The following MGST1 variants were observed in gnomAD, a reference collection of about 807,000 sequenced individuals.
MGST1 encodes the protein microsomal glutathione S-transferase 1.
A neutral mutation model predicts 8.9 loss-of-function variants in MGST1; 5 were observed. The observed-to-expected ratio is 0.56, with a 90% CI of 0.29 to 1.19. The LOEUF (loss-of-function observed/expected upper bound fraction) is 1.19. Among genes scored for constraint, MGST1 ranks in the 50% most tolerant of loss-of-function variants. The pLI is 0.08. For synonymous variants in MGST1, 54 were observed against 67.8 expected, an observed-to-expected ratio of 0.80 and a Z score of 1.00; for missense variants, 182 against 187.4, an observed-to-expected ratio of 0.97 and a Z score of 0.17.
At chr12:16,578,967 T>G (rs1406636941) in intron 4 of MGST1, among the ~76,000 whole-genome samples, 1 of 152,226 alleles carries the variant, frequency 6.6e-6, no homozygotes, top group African/African-American at 2.4e-5. Flanking sequence ...TTTATTCTAA[T>G]GAAGTATATT....
chr12:16,546,901 A>AT lies in MGST1; in HGVS notation n.483-42626dup, dbSNP rs751682754. Among the ~76,000 whole-genome samples, 11 of 152,246 alleles carry AT rather than the reference A, an allele frequency of 7.2e-5. No individual in the cohort carries two copies. The highest frequency in any genetic ancestry group is 1.3e-4 in the Non-Finnish European group (9 of 67,996). On this transcript the variant is annotated intron_variant and non_coding_transcript_variant, in intron 4 of 4. Transcript: ENST00000538857. This position sits in a 1 kb window ranked among gnomAD's most constrained non-coding sequence, Gnocchi z 4.7. Reference sequence around the variant, plus strand: ...CCAAAATGCAAAACTGGCAATGATCATGCATATTTTAGTCTTCAGGAAAAG... The same window carrying AT: ...CCAAAATGCAAAACTGGCAATGATCATTGCATATTTTAGTCTTCAGGAAAAG...
intron 1 of MGST1, among the ~76,000 whole-genome samples, chr12:16,386,868 G>A (rs1333113551): frequency 6.6e-6 from 1 of 152,174 alleles, no homozygotes; most frequent in Non-Finnish European, 1.5e-5. Context: ...CCTGGGATGT[G>A]AATTATCTTT....
intron 4 of MGST1, among the ~76,000 whole-genome samples, chr12:16,534,536 C>T (rs1354524596): frequency 6.6e-6 from 1 of 152,086 alleles, no homozygotes; most frequent in African/African-American, 2.4e-5. Flanking sequence ...GCTAAATGTT[C>T]CCTTATGTAT....
chr12:16,348,392 T>A (rs1939295722), intron 1 of MGST1, among the ~76,000 whole-genome samples: 1 of 152,134 alleles, frequency 6.6e-6, no homozygotes, highest in Non-Finnish European at 1.5e-5. Flanking sequence ...GGAAGCCATG[T>A]GGAAGGAGAA....
intron 4 of MGST1, among the ~76,000 whole-genome samples, chr12:16,539,506 C>T (rs1267881508): frequency 6.6e-6 from 1 of 152,176 alleles, no homozygotes; most frequent in Non-Finnish European, 1.5e-5. Flanking sequence ...AAATGACCAC[C>T]TCCTCCTGTA....
chr12:16,368,450 G>T (rs1445939582), downstream of MGST1, among the ~76,000 whole-genome samples: 2 of 152,166 alleles, frequency 1.3e-5, no homozygotes, highest in African/African-American at 4.8e-5. Flanking sequence ...AAAATCCTAT[G>T]ATCATCTCCC....
At position 16,497,183 on chromosome 12, in the gene MGST1, T is replaced by C. The variant is rs1941476180; in HGVS notation, n.483-92345T>C. Among the ~76,000 whole-genome samples, 1 of 152,186 alleles carries C rather than the reference T, an allele frequency of 6.6e-6. No homozygotes were observed. ...CAAATGTTTGGCATTTTAGGAAATT[T>C]CTTCTCAAGGGCTAGTCTTGAAATC... On this transcript the variant is annotated intron_variant and non_coding_transcript_variant, in intron 4 of 4. Coordinates refer to the MGST1 transcript ENST00000538857. This position sits in a 1 kb window ranked among gnomAD's most constrained non-coding sequence, Gnocchi z 4.4.
intron 4 of MGST1, among the ~76,000 whole-genome samples, chr12:16,558,997 G>C (rs1016762468): frequency 6.6e-6 from 1 of 152,032 alleles, no homozygotes; most frequent in Non-Finnish European, 1.5e-5. Context: ...AATATATGGT[G>C]GTGCTGAAAT....
intron 4 of MGST1, among the ~76,000 whole-genome samples, chr12:16,472,970 C>T (rs1941298006): frequency 6.6e-6 from 1 of 152,146 alleles, no homozygotes; most frequent in African/African-American, 2.4e-5. Context: ...TCCATGAAGG[C>T]AAAAAGAACT....
intron 4 of MGST1, among the ~76,000 whole-genome samples, chr12:16,572,191 TAAG>T (rs925335018): frequency 3.5e-4 from 53 of 152,042 alleles, no homozygotes; most frequent in African/African-American, 1.2e-3. Context: ...AATCCAGTAT[TAAG>T]AAGGAGAAAT....
At chr12:16,394,276 CT>C (rs1389101783) in intron 1 of MGST1, among the ~76,000 whole-genome samples, 2 of 151,378 alleles carry the variant, frequency 1.3e-5, no homozygotes, top group South Asian at 4.2e-4. Flanking sequence ...AGTATCTTTT[CT>C]TTTTTTTCTG....
At chr12:16,567,902 A>C (rs1403913102) in intron 4 of MGST1, among the ~76,000 whole-genome samples, 1 of 152,150 alleles carries the variant, frequency 6.6e-6, no homozygotes, top group Non-Finnish European at 1.5e-5. Flanking sequence ...TCCGCCAACC[A>C]CTAGTTGGAC....
At chr12:16,476,580 G>A (rs1941324964) in intron 4 of MGST1, among the ~76,000 whole-genome samples, 1 of 152,138 alleles carries the variant, frequency 6.6e-6, no homozygotes, top group African/African-American at 2.4e-5. Context: ...TGCTGATTTG[G>A]TTGCTACACC....
At chr12:16,571,244 T>C (rs1282071709) in intron 4 of MGST1, among the ~76,000 whole-genome samples, 3 of 152,130 alleles carry the variant, frequency 2.0e-5, no homozygotes, top group Non-Finnish European at 4.4e-5. Flanking sequence ...TTCATCCTTG[T>C]ATTTAACTAA....
At chr12:16,434,928 AAGG>A (rs1375807907) in intron 1 of MGST1, among the ~76,000 whole-genome samples, 2 of 152,010 alleles carry the variant, frequency 1.3e-5, no homozygotes, top group African/African-American at 4.8e-5. Flanking sequence ...ATGAAATTTG[AAGG>A]AGAAGCGACA....
At chr12:16,466,500 T>C (rs1941256063) in intron 4 of MGST1, among the ~76,000 whole-genome samples, 1 of 152,214 alleles carries the variant, frequency 6.6e-6, no homozygotes, top group African/African-American at 2.4e-5. Flanking sequence ...TCATCTGGTC[T>C]TAGATTTAAA....
chr12:16,575,656 A>T (rs1942970562), intron 4 of MGST1, among the ~76,000 whole-genome samples: 1 of 152,116 alleles, frequency 6.6e-6, no homozygotes, highest in African/African-American at 2.4e-5. Flanking sequence ...CGTCACATAG[A>T]TAGATAATAG....
intron 1 of MGST1, among the ~76,000 whole-genome samples, chr12:16,405,943 A>G (rs557844502): frequency 3.0e-4 from 45 of 152,340 alleles, no homozygotes; most frequent in African/African-American, 1.1e-3. Flanking sequence ...ACAAACTCAC[A>G]GCCAACATCA....
chr12:16,494,402 A>C (rs554643998), intron 4 of MGST1, among the ~76,000 whole-genome samples: 3 of 152,162 alleles, frequency 2.0e-5, no homozygotes, highest in African/African-American at 7.2e-5. Flanking sequence ...CTTAATTACA[A>C]AAATAGTGTC....
Sources: gnomAD v4.1 joint callset for allele counts (sites outside exome capture counted in the v4.1 genomes callset) on GRCh38, gnomAD v4.1.1 for gene constraint, Gnocchi (gnomAD v3.1) non-coding constraint, MANE v1.5 for transcripts, NCBI Gene and HGNC (gene_info 2026-07-23, HGNC 2026-07-21) for gene names.